Variants in IFT122 observed in about 807,000 individuals in gnomAD.
IFT122 encodes intraflagellar transport 122.
In IFT122, 118 loss-of-function variants were observed where a neutral mutation model predicts 161.6. The observed-to-expected ratio is 0.73, with a 90% CI of 0.63 to 0.85. The LOEUF (loss-of-function observed/expected upper bound fraction) is 0.85, where lower values mean the gene tolerates loss of function less well. IFT122 is among the 40% of genes least tolerant of loss of function. The pLI, the probability that IFT122 is intolerant of heterozygous loss-of-function variation, is 0.00. For missense variants in IFT122, 1,381 were observed against 1,579.6 expected, an observed-to-expected ratio of 0.87 and a Z score of 2.13; for synonymous variants, 550 against 602.4, an observed-to-expected ratio of 0.91 and a Z score of 1.27.
chr3:129,476,527 C>T, intron 10 of IFT122, 21 bp downstream of exon 10: 4 of 1,613,980 alleles, frequency 2.5e-6, no homozygotes, highest in Non-Finnish European at 3.4e-6. Context: ...AAAGTTTGTT[C>T]TGTGGGGCCA....
intron 22 of IFT122, 79 bp from the exon 23 acceptor site, chr3:129,507,589 T>C (rs2082314283): frequency 9.4e-7 from 1 of 1,062,766 alleles, no homozygotes; most frequent in East Asian, 2.4e-5. Context: ...TACTGTTGCC[T>C]GGCCCCTCCT....
intron 18 of IFT122, among the ~76,000 whole-genome samples, chr3:129,496,899 A>C (rs531175551): frequency 6.6e-6 from 1 of 152,152 alleles, no homozygotes; most frequent in African/African-American, 2.4e-5. Context: ...CTCAGGATGA[A>C]CCCTTAAGGG....
At chr3:129,455,547 A>G (rs1333713122) in intron 3 of IFT122, among the ~76,000 whole-genome samples, 2 of 152,178 alleles carry the variant, frequency 1.3e-5, no homozygotes, top group Admixed American at 1.3e-4. Flanking sequence ...AAGAAAAACA[A>G]TATAATATGA....
In IFT122 at chr3:129,507,912, T is replaced by A. The variant is rs115113244; in HGVS notation, c.2886+150T>A. ...CTTGGTCTCCTCTGGGAAGAAAAAG[T>A]TTGAGTTTCTTTGATTGACTGTTTG... is the stretch of plus-strand genomic sequence containing the variant. On this transcript the variant is annotated intron_variant, in intron 23 of 29. Transcript: ENST00000348417. 0.014 allele frequency: 9,555 copies of A among 664,726 alleles called. 119 individuals are homozygous for A. Among genetic ancestry groups the A allele is most frequent in the Middle Eastern group, 0.021 (86 of 4,108 alleles). 41.2% of individuals were successfully genotyped at this position (664,726 alleles called of 1,614,324 possible).
chr3:129,442,018 T>A (rs1301415583), intron 1 of IFT122, among the ~76,000 whole-genome samples: 3 of 152,156 alleles, frequency 2.0e-5, no homozygotes, highest in Non-Finnish European at 2.9e-5. Flanking sequence ...TGTGCTCAGC[T>A]CTTCCTGTTT....
chr3:129,498,288 A>G (rs1168954234), intron 18 of IFT122, among the ~76,000 whole-genome samples: 3 of 152,180 alleles, frequency 2.0e-5, no homozygotes, highest in African/African-American at 7.2e-5. Flanking sequence ...CACTCACTGA[A>G]GTCCCTTTGA....
At chr3:129,477,668 G>T (rs1240412230) in intron 11 of IFT122, among the ~76,000 whole-genome samples, 1 of 152,212 alleles carries the variant, frequency 6.6e-6, no homozygotes, top group African/African-American at 2.4e-5. Context: ...GGTGGGCAGG[G>T]AGCGGCCAGA....
chr3:129,488,089 C>T lies in IFT122; in HGVS notation c.1852-168C>T, dbSNP rs184192466. ...CATGAGAGAGGTGCAGGATGGAGCACACAGGGTGGGCTGGGCAGGCTGGGC... is the reference window on the plus strand; with the variant it reads ...CATGAGAGAGGTGCAGGATGGAGCATACAGGGTGGGCTGGGCAGGCTGGGC... On this transcript the variant is annotated intron_variant, in intron 15 of 29. Coordinates refer to ENST00000348417, the MANE Select transcript of IFT122 (RefSeq NM_052989.3). 4 of 1,018,502 alleles carry T rather than the reference C, an allele frequency of 3.9e-6. No homozygotes were observed. The Admixed American group carries it at 8.0e-5, about 20-fold the overall frequency. The allele number at this position is 1,018,502 out of a possible 1,614,324, so 63.1% of individuals were successfully genotyped here.
intron 13 of IFT122, 171 bp from the exon 14 acceptor site, chr3:129,481,359 A>G: frequency 3.2e-6 from 2 of 628,332 alleles, no homozygotes; most frequent in Non-Finnish European, 5.9e-6. Context: ...AGGATAAGCC[A>G]TTGCCCCCCA....
rs367834133 is a variant in IFT122 at position 129,454,513 on chromosome 3, T to TTTTG, written c.193+2516_193+2517insTTGT. 4.0e-4 allele frequency among the ~76,000 whole-genome samples: 52 copies of TTTTG among 131,268 alleles called. No individual in the cohort carries two copies. The East Asian group carries it at 6.4e-3, about 16-fold the overall frequency. 86.1% of individuals were successfully genotyped at this position (131,268 alleles called of 152,430 possible). On this transcript the variant is annotated intron_variant, in intron 3 of 29. Transcript: ENST00000348417. ...GTGTGCTGTACCATGGTAGTCATAT[T>TTTTG]TGTGTGTGTGTGTGTGTGTGTGTGT...
In IFT122 at chr3:129,519,717, C is replaced by G; in HGVS notation, c.3621C>G (p.Cys1207Trp). 6.2e-7 allele frequency: 1 copy of G among 1,613,652 alleles called. No individual in the cohort carries two copies. The highest frequency in any genetic ancestry group is 1.3e-5 in the African/African-American group (1 of 75,048). ...SLLPDASITMCPSCFQMFHSE... is the reference protein window; with the variant it reads ...SLLPDASITMWPSCFQMFHSE... The stretch of plus-strand genomic sequence containing the variant: ...TGCCTGACGCCTCCATTACCATGTG[C>G]CCCTCCTGCTTCCAGGTAGGTGGCC... The change falls in exon 29 of 30, where the codon TGC becomes TGG. Residue 1207 changes from cysteine to tryptophan, a missense_variant. Around this residue, in one of 7 missense-constraint regions of IFT122, gnomAD observed 177 missense variants for 199.2 expected, o/e 0.89. Transcript: ENST00000348417.
intron 24 of IFT122, chr3:129,512,637 C>T (rs2082969452): frequency 3.4e-6 from 2 of 588,374 alleles, no homozygotes; most frequent in East Asian, 5.9e-5. Context: ...TGAGCTGAAC[C>T]CAGCAGTGGG....
At chr3:129,514,328 A>G (rs958485122) in intron 24 of IFT122, 61 bp from the exon 25 acceptor site, 4 of 1,579,940 alleles carry the variant, frequency 2.5e-6, no homozygotes, top group Non-Finnish European at 2.6e-6. Flanking sequence ...CTCCAAGGAC[A>G]GGCAGTGCCA....
intron 7 of IFT122, among the ~76,000 whole-genome samples, chr3:129,466,074 G>A (rs1238466252): frequency 3.3e-5 from 5 of 152,140 alleles, no homozygotes; most frequent in African/African-American, 1.2e-4. Flanking sequence ...CTCCCAAAGT[G>A]CTGAGATTAC....
intron 1 of IFT122, among the ~76,000 whole-genome samples, chr3:129,445,496 C>T (rs1453177812): frequency 6.6e-6 from 1 of 152,152 alleles, no homozygotes; most frequent in Non-Finnish European, 1.5e-5. Flanking sequence ...TGAGTTAATA[C>T]ATGTAAAGCA....
chr3:129,515,363 C>A, intron 25 of IFT122, 125 bp from the exon 26 acceptor site: 1 of 793,546 alleles, frequency 1.3e-6, no homozygotes, highest in Non-Finnish European at 2.2e-6. Context: ...GCGCCCCTTC[C>A]CTGCCTGCCC....
chr3:129,503,290 A>T (rs932469466), intron 20 of IFT122, among the ~76,000 whole-genome samples: 7 of 152,174 alleles, frequency 4.6e-5, no homozygotes, highest in African/African-American at 1.7e-4. Flanking sequence ...GGCAGAAAGC[A>T]CCATCTGTGC....
chr3:129,492,338 G>T (rs758939857), intron 17 of IFT122, 144 bp downstream of exon 17: 17 of 759,600 alleles, frequency 2.2e-5, no homozygotes, highest in Non-Finnish European at 3.8e-5. Flanking sequence ...GCCTTGCTCC[G>T]GGGGCAGAGT....
In IFT122 at chr3:129,520,233, TGCC is replaced by T. The variant is rs1333590465; in HGVS notation, c.3697_3699del (p.Arg1234del). The T allele has an allele frequency of 1.2e-6, 2 of 1,611,342 alleles. No homozygotes were observed. Among genetic ancestry groups the T allele is most frequent in the Non-Finnish European group, 1.7e-6 (2 of 1,179,886 alleles). On this transcript the variant is annotated inframe_deletion, in exon 30 of 30. Coordinates refer to ENST00000348417, the MANE Select transcript of IFT122 (RefSeq NM_052989.3). ...GCTTCAGCATGGCTGCTGCCCCTAC[TGCC>T]GCAGGTGCAAGGATGACCCTGGCCC...
Sources: allele counts gnomAD v4.1 joint callset (sites outside exome capture counted in the v4.1 genomes callset), GRCh38; gene constraint gnomAD v4.1.1; regional missense constraint gnomAD v4.1.1; transcripts MANE v1.5; gene names NCBI Gene and HGNC (gene_info 2026-07-23, HGNC 2026-07-21).